LRRTM4: variants seen among roughly 807,000 people sequenced by gnomAD.
The protein encoded by LRRTM4 is leucine rich repeat transmembrane neuronal 4.
A neutral mutation model predicts 47.6 loss-of-function variants in LRRTM4; 25 were observed. The ratio of observed to expected loss-of-function variants is 0.53; its 90% CI spans 0.38 to 0.73. The LOEUF (loss-of-function observed/expected upper bound fraction) is 0.73, where lower values mean the gene tolerates loss of function less well. LRRTM4 is among the 30% of genes least tolerant of loss of function. LRRTM4 has a pLI of 0.00. For missense variants in LRRTM4, 638 were observed against 713.4 expected, an observed-to-expected ratio of 0.89 and a Z score of 1.20; for synonymous variants, 311 against 269.5, an observed-to-expected ratio of 1.15 and a Z score of -1.51.
intron 3 of LRRTM4, among the ~76,000 whole-genome samples, chr2:77,373,308 C>A (rs897260371): frequency 4.6e-5 from 7 of 151,138 alleles, no homozygotes; most frequent in Non-Finnish European, 3.0e-5. Context: ...TTAGTTGTTA[C>A]ATCTTAGAAA....
chr2:77,422,940 T>C (rs1007290010), intron 3 of LRRTM4, among the ~76,000 whole-genome samples: 6 of 152,226 alleles, frequency 3.9e-5, no homozygotes, highest in African/African-American at 1.4e-4. Context: ...GTAGTCATAT[T>C]AAGGGAAAAA....
chr2:77,066,725 A>C (rs77470645), intron 3 of LRRTM4, among the ~76,000 whole-genome samples: 3,195 of 152,340 alleles, frequency 0.021, 102 homozygotes, highest in African/African-American at 0.072. Flanking sequence ...ATTTTTACAT[A>C]GGAAAGGTAT....
intron 3 of LRRTM4, among the ~76,000 whole-genome samples, chr2:77,179,687 G>A (rs1051962156): frequency 2.6e-5 from 4 of 152,032 alleles, no homozygotes; most frequent in Admixed American, 6.6e-5. Context: ...GCTTCAGCTG[G>A]AGGAAAAAAG....
At chr2:77,136,663 G>A (rs190741619) in intron 3 of LRRTM4, among the ~76,000 whole-genome samples, 2 of 152,036 alleles carry the variant, frequency 1.3e-5, no homozygotes, top group Non-Finnish European at 2.9e-5. Context: ...AGCCTTCAGA[G>A]GATCAAATTT....
intron 3 of LRRTM4, among the ~76,000 whole-genome samples, chr2:76,804,978 T>G (rs1485814110): frequency 1.3e-5 from 2 of 152,094 alleles, no homozygotes; most frequent in African/African-American, 4.8e-5. Context: ...ATGATAAAAA[T>G]GAATAGGCAC....
In LRRTM4 at chr2:76,930,040, T is replaced by C. The variant is rs530470206; in HGVS notation, c.1552-181124A>G. ...AAACTATCTCTGGTGGTTATTTTTA[T>C]TTTTTGTATTTCTCTGCAGAAAGAT... On this transcript the variant is annotated intron_variant, in intron 3 of 3. Coordinates refer to ENST00000409884, the MANE Select transcript of LRRTM4 (RefSeq NM_001134745.3). 8.5e-5 allele frequency among the ~76,000 whole-genome samples: 13 copies of C among 152,194 alleles called. No homozygotes were observed. The East Asian group carries it at 2.3e-3, about 27-fold the overall frequency.
chr2:77,405,392 T>TA (rs1197596513), intron 3 of LRRTM4, among the ~76,000 whole-genome samples: 2 of 152,094 alleles, frequency 1.3e-5, no homozygotes, highest in Non-Finnish European at 1.5e-5. Context: ...CTTACCATCC[T>TA]AACCCTTTAA....
intron 3 of LRRTM4, among the ~76,000 whole-genome samples, chr2:77,140,293 C>G (rs7593434): frequency 0.37 from 56,359 of 151,958 alleles, 11,705 homozygotes; most frequent in African/African-American, 0.56. Flanking sequence ...ACCAGTGGAA[C>G]AGAACAGAGC....
chr2:76,927,800 G>A (rs773318443), intron 3 of LRRTM4, among the ~76,000 whole-genome samples: 2 of 152,094 alleles, frequency 1.3e-5, no homozygotes, highest in South Asian at 4.1e-4. Flanking sequence ...GAAGGTCTCC[G>A]TCTAAGGCTC....
At chr2:77,010,501 TACACACACACACACACACACACACAC>T (rs34456976) in intron 3 of LRRTM4, among the ~76,000 whole-genome samples, 1 of 139,836 alleles carries the variant, frequency 7.2e-6, no homozygotes, top group East Asian at 2.1e-4. Flanking sequence ...TTGTATTGTT[TACACACACACACACACACACACACAC>T]ACACACACAC....
At chr2:77,499,796 T>C (rs576701934) in intron 3 of LRRTM4, among the ~76,000 whole-genome samples, 52 of 151,992 alleles carry the variant, frequency 3.4e-4, no homozygotes, top group African/African-American at 1.2e-3. Flanking sequence ...TTGTGTACCA[T>C]CTATGTTACT....
At chr2:76,805,866 C>G (rs76542972) in intron 3 of LRRTM4, among the ~76,000 whole-genome samples, 2 of 152,202 alleles carry the variant, frequency 1.3e-5, no homozygotes, top group African/African-American at 2.4e-5. Context: ...AGTAGCCTTC[C>G]TCTTTCCCTT....
intron 3 of LRRTM4, among the ~76,000 whole-genome samples, chr2:76,959,632 T>G (rs866632795): frequency 6.6e-6 from 1 of 151,644 alleles, no homozygotes; most frequent in East Asian, 2.0e-4. Context: ...ATTGGAAAAT[T>G]TTCATGAAAT....
intron 3 of LRRTM4, among the ~76,000 whole-genome samples, chr2:77,427,879 A>T (rs1329227692): frequency 6.6e-6 from 1 of 152,172 alleles, no homozygotes; most frequent in Admixed American, 6.6e-5. Flanking sequence ...AAATTTGCCA[A>T]CTTTCCCATT....
chr2:76,869,804 G>C (rs542896409), intron 3 of LRRTM4, among the ~76,000 whole-genome samples: 1 of 152,144 alleles, frequency 6.6e-6, no homozygotes, highest in South Asian at 2.1e-4. Flanking sequence ...CCAATGACAA[G>C]AAAATATTGT....
intron 3 of LRRTM4, among the ~76,000 whole-genome samples, chr2:77,289,293 A>G (rs1676753443): frequency 6.6e-6 from 1 of 152,012 alleles, no homozygotes; most frequent in Non-Finnish European, 1.5e-5. Flanking sequence ...TTATTTTTAA[A>G]AGGAAAATTT....
At chr2:77,508,520 T>G (rs1388967314) in intron 3 of LRRTM4, among the ~76,000 whole-genome samples, 1 of 152,150 alleles carries the variant, frequency 6.6e-6, no homozygotes, top group Admixed American at 6.6e-5. Context: ...AAGAAAATCA[T>G]TTGTTTTCTC....
At chr2:76,990,212 CT>C in intron 3 of LRRTM4, among the ~76,000 whole-genome samples, 1 of 151,806 alleles carries the variant, frequency 6.6e-6, no homozygotes, top group East Asian at 1.9e-4. Context: ...AGTAGACTTC[CT>C]TTTGCTTTCT....
At chr2:77,187,221 C>T (rs961189020) in intron 3 of LRRTM4, among the ~76,000 whole-genome samples, 11 of 152,108 alleles carry the variant, frequency 7.2e-5, no homozygotes, top group African/African-American at 2.7e-4. Flanking sequence ...ACTGTGGTGC[C>T]ATTGATGCTA....
Sources: allele counts gnomAD v4.1 joint callset (sites outside exome capture counted in the v4.1 genomes callset), GRCh38; gene constraint gnomAD v4.1.1; transcripts MANE v1.5; gene names NCBI Gene and HGNC (gene_info 2026-07-23, HGNC 2026-07-21).